PLA2G4E: variants seen among roughly 807,000 people sequenced by gnomAD.
The protein encoded by PLA2G4E is phospholipase A2 group IVE, also known as cytosolic phospholipase A2 epsilon.
Under a neutral mutation model 109.1 loss-of-function variants are expected in PLA2G4E, and 84 were observed. That is an observed-to-expected ratio of 0.77 (90% CI 0.65 to 0.92). PLA2G4E has a LOEUF of 0.92. Ranked by LOEUF, PLA2G4E falls within the 40% of genes least tolerant of loss-of-function variation. PLA2G4E has a pLI of 0.00. For missense variants in PLA2G4E, 1,057 were observed against 1,076.6 expected (o/e 0.98, Z 0.25); for synonymous variants, 469 against 436.1 (o/e 1.08, Z -0.94).
intron 9 of PLA2G4E, 104 bp downstream of exon 9, chr15:41,999,813 C>T (rs576238898): frequency 8.5e-6 from 11 of 1,291,620 alleles, no homozygotes; most frequent in South Asian, 1.3e-5. Flanking sequence ...GAGACCCTCA[C>T]GAGTCACATT....
At chr15:42,005,829 A>C (rs895534683) in intron 4 of PLA2G4E, among the ~76,000 whole-genome samples, 161 bp downstream of exon 4, 2 of 152,250 alleles carry the variant, frequency 1.3e-5, no homozygotes, top group Non-Finnish European at 2.9e-5. Flanking sequence ...TTACGACATC[A>C]CATAGTGAGT....
At chr15:42,020,733 C>T (rs1428635908) in intron 1 of PLA2G4E, among the ~76,000 whole-genome samples, 2 of 152,222 alleles carry the variant, frequency 1.3e-5, no homozygotes, top group Non-Finnish European at 2.9e-5. Flanking sequence ...AGCAGGAGCC[C>T]TGGCCCCAAC....
At chr15:41,993,658 G>C (rs2068288196) in intron 12 of PLA2G4E, among the ~76,000 whole-genome samples, 1 of 152,016 alleles carries the variant, frequency 6.6e-6, no homozygotes, top group South Asian at 2.1e-4. Context: ...TTCTGCGTCA[G>C]GACAGGAAAG....
chr15:42,022,464 A>G (rs1028051721), intron 1 of PLA2G4E, among the ~76,000 whole-genome samples: 2 of 152,094 alleles, frequency 1.3e-5, no homozygotes, highest in African/African-American at 4.8e-5. Context: ...TAATTATACA[A>G]TTCACCATAA....
chr15:42,008,006 A>G, intron 2 of PLA2G4E, 141 bp from the exon 3 acceptor site: 1 of 962,370 alleles, frequency 1.0e-6, no homozygotes, highest in Non-Finnish European at 1.5e-6. Context: ...CTAACTTTCC[A>G]GAGACTCAGA....
At chr15:42,045,328 G>C (rs145329626) in intron 1 of PLA2G4E, among the ~76,000 whole-genome samples, 1 of 152,156 alleles carries the variant, frequency 6.6e-6, no homozygotes, top group African/African-American at 2.4e-5. Context: ...TGAGCTGGGG[G>C]CCAAGAGTGT....
rs145480531 is a variant in PLA2G4E at position 42,029,154 on chromosome 15, C to T, written c.184-15397G>A. On this transcript the variant is annotated intron_variant, in intron 1 of 19. Coordinates refer to ENST00000399518, the Ensembl canonical transcript of PLA2G4E. ...TTGCCCAGACTGGAGTGCAGTGGCG[C>T]GATCTCAGCTCATTGCAACCTCTGC... Among the ~76,000 whole-genome samples, 1,478 of 152,254 alleles carry T rather than the reference C, an allele frequency of 9.7e-3. 22 individuals carry two copies. The highest frequency in any genetic ancestry group is 0.034 in the African/African-American group (1,410 of 41,534).
rs561433166 is a variant in PLA2G4E, at chr15:42,043,663, T to C, written c.183+6858A>G. Reference sequence around the variant, plus strand: ...TCACAGGCAAGACCCATAAGACAAATGTAGAGGAAAGAGCAGGAGATCTAG... The same window carrying C: ...TCACAGGCAAGACCCATAAGACAAACGTAGAGGAAAGAGCAGGAGATCTAG... On this transcript the variant is annotated intron_variant, in intron 1 of 19. Transcript: ENST00000399518. Among the ~76,000 whole-genome samples the C allele has an allele frequency of 4.0e-5, 6 of 149,032 alleles. No individual in the cohort carries two copies. In the South Asian group the frequency reaches 1.3e-3, roughly 32 times the overall value.
intron 13 of PLA2G4E, among the ~76,000 whole-genome samples, chr15:41,992,447 G>A (rs8039964): frequency 0.033 from 5,045 of 152,234 alleles, 297 homozygotes; most frequent in African/African-American, 0.12. Flanking sequence ...CTTCCTCCCC[G>A]TTTTTCCCTC....
chr15:41,996,792 A>C (rs2068349313), intron 11 of PLA2G4E, among the ~76,000 whole-genome samples: 1 of 152,224 alleles, frequency 6.6e-6, no homozygotes, highest in Non-Finnish European at 1.5e-5. Context: ...TGTGGGGTGC[A>C]GAAGGTGGTA....
At position 41,987,264 on chromosome 15, in the gene PLA2G4E, T is replaced by C. The variant is rs372815299; in HGVS notation, c.1943A>G (p.His648Arg). 4 of 1,613,808 alleles carry C rather than the reference T, an allele frequency of 2.5e-6. No individual in the cohort carries two copies. In the South Asian group the frequency reaches 3.3e-5, roughly 13 times the overall value. The stretch of plus-strand genomic sequence containing the variant: ...GTGAAACTCAGACACGAAGGACCGA[T>C]GGGTAAGGATTTCTCGGAAAGAATT... Residue 648 changes from histidine (H) to arginine (R), a missense_variant, in exon 17 of 20, where the codon CAT becomes CGT. His to Arg is a conservative substitution (Grantham distance 29). Transcript: ENST00000399518.
chr15:42,024,232 G>A (rs1001829376), intron 1 of PLA2G4E, among the ~76,000 whole-genome samples: 2 of 152,230 alleles, frequency 1.3e-5, no homozygotes, highest in Non-Finnish European at 2.9e-5. Flanking sequence ...CAGGGTGCGG[G>A]TGCCAAAGCA....
intron 1 of PLA2G4E, among the ~76,000 whole-genome samples, chr15:42,035,215 A>T (rs992247193): frequency 2.0e-5 from 3 of 152,114 alleles, no homozygotes; most frequent in African/African-American, 7.2e-5. Flanking sequence ...TTCTCGCCTC[A>T]TTTCCAGGAT....
At chr15:41,988,349 T>G (rs2068184756) in intron 15 of PLA2G4E, among the ~76,000 whole-genome samples, 193 bp from the exon 16 acceptor site, 2 of 151,622 alleles carry the variant, frequency 1.3e-5, no homozygotes, top group African/African-American at 4.8e-5. Flanking sequence ...GGCTCAGCTC[T>G]CAGCTCTTCT....
At chr15:41,992,952 C>T (rs1228062075) in exon 13 of PLA2G4E, 2 of 1,610,962 alleles carry the variant, frequency 1.2e-6, no homozygotes, top group Non-Finnish European at 1.7e-6. Context: ...TACAAGGTAG[C>T]CATGGTCCTG....
chr15:42,031,570 T>C (rs1889115438), intron 1 of PLA2G4E, among the ~76,000 whole-genome samples: 1 of 152,074 alleles, frequency 6.6e-6, no homozygotes, highest in South Asian at 2.1e-4. Context: ...CCCTCCTCCA[T>C]CCCACAGTCC....
chr15:42,008,061 C>T (rs1054887768), intron 2 of PLA2G4E, among the ~76,000 whole-genome samples, 196 bp from the exon 3 acceptor site: 5 of 152,216 alleles, frequency 3.3e-5, no homozygotes, highest in African/African-American at 7.2e-5. Flanking sequence ...TCGCAGAGGG[C>T]GACCCAATCC....
Position 42,031,518 on chromosome 15 carries a change from C to T in PLA2G4E, c.184-17761G>A, listed in dbSNP as rs113055895. 2.2e-3 allele frequency among the ~76,000 whole-genome samples: 342 copies of T among 152,246 alleles called. 2 individuals carry two copies. The highest frequency in any genetic ancestry group is 7.9e-3 in the African/African-American group (330 of 41,526). ...TTCCTCCTCTCATTTTCCTCTCTTC[C>T]TCTCCCTTCATCCTCCTCTTTCTCC... On this transcript the variant is annotated intron_variant, in intron 1 of 19. Transcript: ENST00000399518.
At chr15:41,992,593 C>T (rs1005431006) in intron 13 of PLA2G4E, 144 bp downstream of exon 13, 18 of 771,136 alleles carry the variant, frequency 2.3e-5, no homozygotes, top group Non-Finnish European at 3.7e-5. Context: ...AGTCCGACAC[C>T]TTATCGGTCT....
Sources: gnomAD v4.1 joint callset for allele counts (sites outside exome capture counted in the v4.1 genomes callset) on GRCh38, gnomAD v4.1.1 for gene constraint, MANE v1.5 for transcripts, NCBI Gene and HGNC (gene_info 2026-07-23, HGNC 2026-07-21) for gene names.